Variants in PTPRO observed in about 807,000 individuals in gnomAD.
PTPRO encodes the protein receptor-type tyrosine-protein phosphatase O.
PTPRO carries 62 observed loss-of-function variants against 145.2 expected under a neutral mutation model. The ratio of observed to expected loss-of-function variants is 0.43; its 90% CI spans 0.35 to 0.53. The LOEUF (loss-of-function observed/expected upper bound fraction) is 0.53, where lower values mean the gene tolerates loss of function less well. Among genes scored for constraint, PTPRO ranks in the 20% least tolerant of loss-of-function variants. The pLI is 0.01. For synonymous variants in PTPRO, 565 were observed against 514.7 expected, an observed-to-expected ratio of 1.10 and a Z score of -1.32; for missense variants, 1,345 against 1,482.7, an observed-to-expected ratio of 0.91 and a Z score of 1.53.
At chr12:15,467,442 G>A (rs1941442235) in intron 1 of PTPRO, among the ~76,000 whole-genome samples, 1 of 149,732 alleles carries the variant, frequency 6.7e-6, no homozygotes, top group Non-Finnish European at 1.5e-5. Context: ...ATGTGTGTGT[G>A]TACAAAATCA....
chr12:15,541,988 G>A (rs1395963483), intron 12 of PTPRO, among the ~76,000 whole-genome samples: 3 of 151,972 alleles, frequency 2.0e-5, no homozygotes, highest in Non-Finnish European at 4.4e-5. Context: ...TCCAGCCTGG[G>A]TGACAGAGCA....
intron 22 of PTPRO, 53 bp from the exon 23 acceptor site, chr12:15,581,626 T>C: frequency 6.3e-7 from 1 of 1,596,870 alleles, no homozygotes; most frequent in Non-Finnish European, 8.6e-7. Flanking sequence ...TGAGCACACT[T>C]AATTCCTTTC....
At chr12:15,446,235 G>A (rs954834159) in intron 1 of PTPRO, among the ~76,000 whole-genome samples, 5 of 152,080 alleles carry the variant, frequency 3.3e-5, no homozygotes, top group Admixed American at 6.6e-5. Context: ...TGTGGTACTA[G>A]AAGTTCAAAT....
intron 12 of PTPRO, among the ~76,000 whole-genome samples, chr12:15,544,959 T>G (rs764271768): frequency 6.6e-6 from 1 of 152,208 alleles, no homozygotes; most frequent in East Asian, 1.9e-4. Context: ...TCAACTCTTC[T>G]GCCTAACCTT....
intron 1 of PTPRO, among the ~76,000 whole-genome samples, chr12:15,436,902 C>T (rs143854467): frequency 1.3e-5 from 2 of 152,232 alleles, no homozygotes; most frequent in African/African-American, 4.8e-5. Flanking sequence ...GCGGTTTCTT[C>T]TGAGCAGCAA....
chr12:15,436,544 AC>A (rs1301475087), intron 1 of PTPRO, among the ~76,000 whole-genome samples: 1 of 152,136 alleles, frequency 6.6e-6, no homozygotes, highest in Admixed American at 6.5e-5. Context: ...GATCCAAGCA[AC>A]CCAGGCCAAG....
intron 1 of PTPRO, among the ~76,000 whole-genome samples, chr12:15,359,065 A>T (rs1333502227): frequency 6.6e-6 from 1 of 152,190 alleles, no homozygotes; most frequent in Non-Finnish European, 1.5e-5. Context: ...GTAAAATAAA[A>T]CCTCAGTTGG....
intron 1 of PTPRO, among the ~76,000 whole-genome samples, chr12:15,388,869 T>G (rs1265370550): frequency 2.0e-5 from 3 of 152,114 alleles, no homozygotes; most frequent in African/African-American, 4.8e-5. Flanking sequence ...ACATGTGATA[T>G]CTGGTTTTTT....
intron 1 of PTPRO, among the ~76,000 whole-genome samples, chr12:15,359,794 T>C (rs2136241131): frequency 6.6e-6 from 1 of 152,270 alleles, no homozygotes; most frequent in African/African-American, 2.4e-5. Context: ...AAAAATTGGT[T>C]TTTTAATGTT....
chr12:15,324,091 G>A (rs569794657), intron 1 of PTPRO, among the ~76,000 whole-genome samples: 23 of 152,186 alleles, frequency 1.5e-4, no homozygotes, highest in Non-Finnish European at 3.2e-4. Flanking sequence ...TTTACTGTAG[G>A]AGGTTGTTCT....
At chr12:15,545,228 G>T (rs1043503666) in intron 12 of PTPRO, among the ~76,000 whole-genome samples, 1 of 151,876 alleles carries the variant, frequency 6.6e-6, no homozygotes, top group Non-Finnish European at 1.5e-5. Context: ...GAGTGGGGCA[G>T]AAAATGAAAA....
intron 7 of PTPRO, among the ~76,000 whole-genome samples, chr12:15,509,196 G>A (rs1942385010): frequency 6.6e-6 from 1 of 152,124 alleles, no homozygotes; most frequent in Non-Finnish European, 1.5e-5. Flanking sequence ...GGAAGAAGGA[G>A]CTGAGCGTGA....
intron 1 of PTPRO, among the ~76,000 whole-genome samples, chr12:15,402,252 G>A (rs377527298): frequency 7.5e-4 from 114 of 152,258 alleles, no homozygotes; most frequent in African/African-American, 2.6e-3. Flanking sequence ...GCTGGGCATG[G>A]TGGTGTGTGC....
At chr12:15,388,950 T>C (rs1939108894) in intron 1 of PTPRO, among the ~76,000 whole-genome samples, 3 of 152,152 alleles carry the variant, frequency 2.0e-5, no homozygotes, top group Admixed American at 2.0e-4. Context: ...CTTATTGACC[T>C]CTTTCCTTAC....
At chr12:15,476,244 T>C (rs2136425360) in intron 1 of PTPRO, among the ~76,000 whole-genome samples, 1 of 152,252 alleles carries the variant, frequency 6.6e-6, no homozygotes, top group South Asian at 2.1e-4. Flanking sequence ...GCAGGAGATG[T>C]TGAGGCCAAC....
chr12:15,557,214 T>G (rs534229235), intron 15 of PTPRO, among the ~76,000 whole-genome samples: 4 of 152,240 alleles, frequency 2.6e-5, no homozygotes, highest in African/African-American at 9.6e-5. Context: ...CTAATTTTTG[T>G]AGTTTTAGTA....
intron 12 of PTPRO, among the ~76,000 whole-genome samples, chr12:15,528,983 AC>A (rs768660927): frequency 1.2e-4 from 19 of 152,202 alleles, no homozygotes; most frequent in Non-Finnish European, 2.5e-4. Context: ...ATTCACCACT[AC>A]CAGACCTGTC....
chr12:15,421,148 G>T (rs11056471), intron 1 of PTPRO, among the ~76,000 whole-genome samples: 78,125 of 151,990 alleles, frequency 0.51, 21,054 homozygotes, highest in South Asian at 0.67. Context: ...CCCTTTAAAT[G>T]CTTCTCTAAA....
At chr12:15,421,254 C>G (rs1476372350) in intron 1 of PTPRO, among the ~76,000 whole-genome samples, 1 of 152,094 alleles carries the variant, frequency 6.6e-6, no homozygotes. Flanking sequence ...ACTTATTTTC[C>G]TATCTTTCCT....
Sources: gnomAD v4.1 joint callset for allele counts (sites outside exome capture counted in the v4.1 genomes callset) on GRCh38, gnomAD v4.1.1 for gene constraint, MANE v1.5 for transcripts, NCBI Gene and HGNC (gene_info 2026-07-23, HGNC 2026-07-21) for gene names.